ANKRD28: variants seen among roughly 807,000 people sequenced by gnomAD.
ANKRD28 encodes serine/threonine-protein phosphatase 6 regulatory ankyrin repeat subunit A.
In ANKRD28, 44 loss-of-function variants were observed where a neutral mutation model predicts 126.5. The observed-to-expected ratio is 0.35, with a 90% CI of 0.27 to 0.45. The LOEUF is 0.45. Ranked by LOEUF, ANKRD28 falls within the 20% of genes least tolerant of loss-of-function variation. The pLI is 1.00. For synonymous variants in ANKRD28, 442 were observed against 468.5 expected (o/e 0.94, Z 0.73); for missense variants, 1,110 against 1,316.6 (o/e 0.84, Z 2.43).
intron 1 of ANKRD28, among the ~76,000 whole-genome samples, chr3:15,850,259 A>AGAGAGAGAGAGAGAGAGAGAGAGG (rs1370551633): frequency 8.6e-6 from 1 of 115,740 alleles, no homozygotes. Context: ...AGAGAGAGAG[A>AGAGAGAGAGAGAGAGAGAGAGAGG]GAGAAAGTTG....
rs781602197 is a variant in ANKRD28 at position 15,695,228 on chromosome 3, C to T, written c.1660-14G>A. ...TTCACTTGCAATCTGAAATAAAAGT[C>T]AAAACAAAAATATTTAGCTTGGGAA... is the stretch of plus-strand genomic sequence containing the variant. On this transcript the variant is annotated splice_polypyrimidine_tract_variant and intron_variant, in intron 15 of 27. Transcript: ENST00000683139. The T allele has an allele frequency of 1.3e-6, 2 of 1,561,322 alleles. No individual in the cohort carries two copies. Among genetic ancestry groups the T allele is most frequent in the Non-Finnish European group, 1.7e-6 (2 of 1,145,664 alleles).
At chr3:15,842,897 A>T (rs189310563) in intron 1 of ANKRD28, among the ~76,000 whole-genome samples, 62 of 152,362 alleles carry the variant, frequency 4.1e-4, no homozygotes, top group African/African-American at 1.4e-3. Flanking sequence ...GAAGAAAACA[A>T]GATTTTTAAA....
chr3:15,778,619 C>T (rs533328502), intron 2 of ANKRD28, among the ~76,000 whole-genome samples: 4 of 152,262 alleles, frequency 2.6e-5, no homozygotes, highest in African/African-American at 9.6e-5. Flanking sequence ...CCCTCTCATA[C>T]GTCTAATCTC....
chr3:15,725,694 G>C (rs1288868755), intron 6 of ANKRD28, among the ~76,000 whole-genome samples: 1 of 152,038 alleles, frequency 6.6e-6, no homozygotes, highest in Non-Finnish European at 1.5e-5. Context: ...TGTGATCACT[G>C]ATCTTTGACA....
chr3:15,720,971 G>C lies in ANKRD28; in HGVS notation c.940C>G (p.His314Asp). 6.2e-7 allele frequency: 1 copy of C among 1,613,872 alleles called. No homozygotes were observed. Reference sequence around the variant, plus strand: ...AGAAGCTCTAAACACAATGCTCCATGTGTTGATGCAGCAGCAAAGTGCAAA... The same window carrying C: ...AGAAGCTCTAAACACAATGCTCCATCTGTTGATGCAGCAGCAAAGTGCAAA... ...TPLHFAAASTHGALCLELLVG... is the reference protein window; with the variant it reads ...TPLHFAAASTDGALCLELLVG... Residue 314 changes from histidine to aspartate, a missense_variant, in exon 8 of 28, where the codon CAT (histidine) becomes GAT (aspartate). Coordinates refer to ENST00000683139, the MANE Select transcript of ANKRD28 (RefSeq NM_001349278.2).
At chr3:15,850,224 TAGAGAG>T (rs375278547) in intron 1 of ANKRD28, among the ~76,000 whole-genome samples, 749 of 34,996 alleles carry the variant, frequency 0.021, 14 homozygotes, top group South Asian at 0.038. Flanking sequence ...TATATATATA[TAGAGAG>T]AGAGAGAGAG....
At chr3:15,671,063 A>G (rs1158179255) in intron 27 of ANKRD28, among the ~76,000 whole-genome samples, 1 of 152,262 alleles carries the variant, frequency 6.6e-6, no homozygotes, top group Non-Finnish European at 1.5e-5. Flanking sequence ...CTCAAAAGAT[A>G]TGTGTTGAAT....
intron 21 of ANKRD28, 135 bp from the exon 22 acceptor site, chr3:15,679,698 A>G (rs1211532275): frequency 1.4e-6 from 1 of 693,354 alleles, no homozygotes; most frequent in African/African-American, 1.8e-5. Flanking sequence ...TCTCTGGAAT[A>G]TAACCATTGG....
At chr3:15,766,134 G>T in intron 3 of ANKRD28, 100 bp downstream of exon 3, 2 of 841,520 alleles carry the variant, frequency 2.4e-6, no homozygotes, top group South Asian at 2.0e-5. Flanking sequence ...AAACAAATAT[G>T]AACAACAGGC....
At chr3:15,719,527 CT>C (rs1480542686) in intron 8 of ANKRD28, among the ~76,000 whole-genome samples, 1 of 152,070 alleles carries the variant, frequency 6.6e-6, no homozygotes, top group Admixed American at 6.6e-5. Flanking sequence ...ATTGCATGTG[CT>C]CTCTTATAAA....
At chr3:15,848,443 G>A (rs1405331231) in intron 1 of ANKRD28, among the ~76,000 whole-genome samples, 1 of 152,154 alleles carries the variant, frequency 6.6e-6, no homozygotes, top group Non-Finnish European at 1.5e-5. Context: ...GGGAAGCCAA[G>A]GTAGGAGGAT....
Position 15,727,364 on chromosome 3 carries a change from C to T in ANKRD28, c.641-2840G>A, listed in dbSNP as rs578229783. Among the ~76,000 whole-genome samples, 63 of 151,874 alleles carry T rather than the reference C, an allele frequency of 4.1e-4. 2 individuals are homozygous for T. Among genetic ancestry groups the T allele is most frequent in the Admixed American group, 3.6e-3 (55 of 15,254 alleles). ...GGCCAATCACCTGAGGTCAGCAGTT[C>T]GAGACCAGCCTGGCCAACATGGTGA... On this transcript the variant is annotated intron_variant, in intron 6 of 27. Coordinates refer to ENST00000683139, the MANE Select transcript of ANKRD28 (RefSeq NM_001349278.2).
intron 3 of ANKRD28, among the ~76,000 whole-genome samples, chr3:15,760,486 C>T (rs936422058): frequency 1.3e-5 from 2 of 152,068 alleles, no homozygotes; most frequent in Admixed American, 6.6e-5. Context: ...GCATATTCCT[C>T]GAAGATACGT....
rs1411402673 is a variant in ANKRD28 at position 15,843,969 on chromosome 3, G to A, written c.27+15408C>T. ...AAGGGCTAAAGGAAGGGAGGTTAAG[G>A]TGGAAATGCAGGAACGAAAGCTGGG... On this transcript the variant is annotated intron_variant, in intron 1 of 27. Transcript: ENST00000399451. This position sits in a 1 kb window ranked among gnomAD's most constrained non-coding sequence, Gnocchi z 5.2. Among the ~76,000 whole-genome samples the A allele has an allele frequency of 6.6e-6, 1 of 152,170 alleles. No individual in the cohort carries two copies. The highest frequency in any genetic ancestry group is 1.5e-5 in the Non-Finnish European group (1 of 68,026).
chr3:15,708,166 T>C, intron 13 of ANKRD28, 102 bp from the exon 14 acceptor site: 7 of 1,327,328 alleles, frequency 5.3e-6, no homozygotes, highest in Non-Finnish European at 7.2e-6. Flanking sequence ...AATACTTTAT[T>C]TACAGTGAGA....
upstream of ANKRD28, among the ~76,000 whole-genome samples, chr3:15,801,403 A>C (rs1171688638): frequency 6.6e-6 from 1 of 152,146 alleles, no homozygotes; most frequent in Non-Finnish European, 1.5e-5. This position sits in a 1 kb window ranked among gnomAD's most constrained non-coding sequence, Gnocchi z 4.9. Context: ...ACATCTGTGA[A>C]CTCCGTATTA....
intron 23 of ANKRD28, among the ~76,000 whole-genome samples, chr3:15,678,918 G>GAA: frequency 6.6e-6 from 1 of 152,116 alleles, no homozygotes; most frequent in East Asian, 1.9e-4. Flanking sequence ...TGGGTTTTCT[G>GAA]TAAATTCTCT....
intron 3 of ANKRD28, among the ~76,000 whole-genome samples, chr3:15,755,279 C>G (rs992826959): frequency 1.3e-5 from 2 of 152,208 alleles, no homozygotes; most frequent in Admixed American, 1.3e-4. Context: ...TATTCCCCCA[C>G]CAACATTAGT....
Position 15,838,997 on chromosome 3 carries a change from A to G in ANKRD28, c.27+20380T>C, listed in dbSNP as rs984760947. On this transcript the variant is annotated intron_variant, in intron 1 of 27. Coordinates refer to the ANKRD28 transcript ENST00000399451. The surrounding 1 kb of genome is among the most constrained non-coding windows in gnomAD (Gnocchi z 4.0). Reference sequence around the variant, plus strand: ...ACAACATTTATACCAAATTTTTAAAAGCCAGACAAAAAATGATCACGTATC... The same window carrying G: ...ACAACATTTATACCAAATTTTTAAAGGCCAGACAAAAAATGATCACGTATC... 6.6e-6 allele frequency among the ~76,000 whole-genome samples: 1 copy of G among 152,228 alleles called. No individual in the cohort carries two copies. Among genetic ancestry groups the G allele is most frequent in the Non-Finnish European group, 1.5e-5 (1 of 68,042 alleles).
Sources: gnomAD v4.1 joint callset for allele counts (sites outside exome capture counted in the v4.1 genomes callset) on GRCh38, gnomAD v4.1.1 for gene constraint, Gnocchi (gnomAD v3.1) non-coding constraint, MANE v1.5 for transcripts, NCBI Gene and HGNC (gene_info 2026-07-23, HGNC 2026-07-21) for gene names.